Variants in LRRK1 observed in about 807,000 individuals in gnomAD.
LRRK1 encodes leucine-rich repeat serine/threonine-protein kinase 1.
Under a neutral mutation model 209.1 loss-of-function variants are expected in LRRK1, and 113 were observed. The ratio of observed to expected loss-of-function variants is 0.54; its 90% CI spans 0.46 to 0.63. The LOEUF (loss-of-function observed/expected upper bound fraction) is 0.63. Among genes scored for constraint, LRRK1 ranks in the 30% least tolerant of loss-of-function variants. LRRK1 has a pLI of 0.00. For synonymous variants in LRRK1, 1,144 were observed against 1,099.7 expected (o/e 1.04, Z -0.80); for missense variants, 2,284 against 2,632.2 (o/e 0.87, Z 2.89).
chr15:101,013,068 A>G (rs1394183885), intron 10 of LRRK1, among the ~76,000 whole-genome samples: 4 of 151,792 alleles, frequency 2.6e-5, no homozygotes, highest in Non-Finnish European at 5.9e-5. Context: ...GCAAATCAGG[A>G]GAGGCAGAGC....
intron 16 of LRRK1, 66 bp from the exon 17 acceptor site, chr15:101,025,899 G>A: frequency 6.4e-7 from 1 of 1,561,674 alleles, no homozygotes; most frequent in African/African-American, 1.4e-5. Flanking sequence ...GCACAGCTGG[G>A]AGCTCTGTCC....
intron 4 of LRRK1, among the ~76,000 whole-genome samples, chr15:100,984,679 T>C (rs1049671393): frequency 6.6e-6 from 1 of 152,208 alleles, no homozygotes; most frequent in Non-Finnish European, 1.5e-5. Flanking sequence ...TTTTAATGGC[T>C]GAATAATATT....
chr15:100,932,433 A>G (rs561815822), intron 2 of LRRK1, among the ~76,000 whole-genome samples: 1 of 152,336 alleles, frequency 6.6e-6, no homozygotes, highest in African/African-American at 2.4e-5. Flanking sequence ...TATATGCACC[A>G]CATCTGGTGT....
rs201093318 is a variant in LRRK1 at position 100,924,647 on chromosome 15, G to T, written c.15G>T (p.Ser5=). MAGM[S]QRPPSMYWCV... is the part of the protein sequence containing the mutation. ...TGCAAGGGTTGATGGCTGGCATGTC[G>T]CAAAGACCCCCCAGCATGTACTGGT... Residue 5 remains serine (S), a synonymous_variant, in exon 2 of 34, where the codon TCG becomes TCT. Transcript: ENST00000388948. 1.2e-6 allele frequency: 2 copies of T among 1,614,082 alleles called. No individual in the cohort carries two copies. Among genetic ancestry groups the T allele is most frequent in the South Asian group, 1.1e-5 (1 of 91,066 alleles).
chr15:101,007,612 C>G (rs1012863573), intron 6 of LRRK1, among the ~76,000 whole-genome samples: 1 of 152,098 alleles, frequency 6.6e-6, no homozygotes, highest in Non-Finnish European at 1.5e-5. Flanking sequence ...GGCAGAGGAG[C>G]GGGAGCTTTC....
chr15:100,939,186 G>A (rs556893110), intron 2 of LRRK1, among the ~76,000 whole-genome samples: 9 of 152,340 alleles, frequency 5.9e-5, no homozygotes, highest in African/African-American at 1.9e-4. Flanking sequence ...GTTTGGGGCA[G>A]GTTTGTTGAG....
intron 15 of LRRK1, among the ~76,000 whole-genome samples, chr15:101,023,735 T>C (rs74040249): frequency 0.068 from 10,286 of 152,220 alleles, 1,143 homozygotes; most frequent in African/African-American, 0.23. Context: ...TTTGAAAAAG[T>C]AGGCATTGAA....
At chr15:100,935,388 C>T (rs1262438766) in intron 2 of LRRK1, among the ~76,000 whole-genome samples, 2 of 152,308 alleles carry the variant, frequency 1.3e-5, no homozygotes, top group African/African-American at 4.8e-5. Flanking sequence ...TCAGTGAGTG[C>T]AAAGGCTGGG....
At position 101,072,959 on chromosome 15, in the gene LRRK1, G is replaced by A. The variant is rs1233695489; in HGVS notation, c.*4111G>A. 2 of 159,176 alleles carry A rather than the reference G, an allele frequency of 1.3e-5. No homozygotes were observed. The highest frequency in any genetic ancestry group is 2.4e-5 in the African/African-American group (1 of 41,454). 9.9% of individuals were successfully genotyped at this position (159,176 alleles called of 1,614,324 possible). On this transcript the variant is annotated 3_prime_UTR_variant, in exon 34 of 34. Coordinates refer to ENST00000388948, the MANE Select transcript of LRRK1 (RefSeq NM_024652.6). ...TGCCGTAACTGGCGCGGGGGGAGGG[G>A]GGGGGGAACCTCCCTTGGGAGATCA... is the stretch of plus-strand genomic sequence containing the variant.
chr15:101,026,975 C>T (rs543228394), intron 17 of LRRK1, among the ~76,000 whole-genome samples: 1 of 152,106 alleles, frequency 6.6e-6, no homozygotes, highest in South Asian at 2.1e-4. Flanking sequence ...TGAGCCTGTG[C>T]CTGCCCAGCC....
intron 6 of LRRK1, among the ~76,000 whole-genome samples, chr15:101,003,005 T>C (rs1038682185): frequency 1.9e-4 from 29 of 152,378 alleles, no homozygotes; most frequent in Admixed American, 4.6e-4. Flanking sequence ...GTTCTGGGAT[T>C]ACAGGCATGA....
At chr15:100,936,912 C>T (rs1567187967) in intron 2 of LRRK1, among the ~76,000 whole-genome samples, 1 of 152,172 alleles carries the variant, frequency 6.6e-6, no homozygotes. Flanking sequence ...TCATACTATG[C>T]CAGTCTTTTT....
chr15:100,999,383 G>C (rs1237249151), intron 6 of LRRK1, among the ~76,000 whole-genome samples: 1 of 152,196 alleles, frequency 6.6e-6, no homozygotes, highest in African/African-American at 2.4e-5. Context: ...GAGAAGCTCA[G>C]TTTCCCTTTC....
rs537181264 is a variant in LRRK1, at chr15:101,056,793, G to C, written c.4333-63G>C. 1.2e-5 allele frequency: 16 copies of C among 1,379,750 alleles called. No individual in the cohort carries two copies. The South Asian group carries it at 1.4e-4, about 12-fold the overall frequency. 85.5% of individuals were successfully genotyped at this position (1,379,750 alleles called of 1,614,324 possible). A position where few individuals can be genotyped will look rare whatever the true frequency, so the allele number is the denominator to read the frequency against. On this transcript the variant is annotated intron_variant, in intron 27 of 33. Coordinates refer to ENST00000388948, the MANE Select transcript of LRRK1 (RefSeq NM_024652.6). ...GTGTCTCCCTGGTCCCTCCACCTGA[G>C]GGCCACCTTGTGAAGGCCACTGGGC...
At chr15:101,026,948 C>T (rs1240196389) in intron 17 of LRRK1, among the ~76,000 whole-genome samples, 1 of 151,942 alleles carries the variant, frequency 6.6e-6, no homozygotes, top group African/African-American at 2.4e-5. Flanking sequence ...TGGGTCAGAA[C>T]CCAAGTCCAG....
rs532217178 is a variant in LRRK1 at position 101,072,958 on chromosome 15, G to C, written c.*4110G>C. The C allele has an allele frequency of 0.015, 2,377 of 158,292 alleles. 23 individuals are homozygous for C. Among genetic ancestry groups the C allele is most frequent in the Non-Finnish European group, 0.025 (1,782 of 72,484 alleles). 9.8% of individuals were successfully genotyped at this position (158,292 alleles called of 1,614,324 possible). A position where few individuals can be genotyped will look rare whatever the true frequency, so the allele number is the denominator to read the frequency against. On this transcript the variant is annotated 3_prime_UTR_variant, in exon 34 of 34. Transcript: ENST00000388948. Reference sequence around the variant, plus strand: ...GTGCCGTAACTGGCGCGGGGGGAGGGGGGGGGGAACCTCCCTTGGGAGATC... The same window carrying C: ...GTGCCGTAACTGGCGCGGGGGGAGGCGGGGGGGAACCTCCCTTGGGAGATC...
At position 101,024,781 on chromosome 15, in the gene LRRK1, C is replaced by T. The variant is rs761583402; in HGVS notation, c.2068-22C>T. 27 of 1,601,006 alleles carry T rather than the reference C, an allele frequency of 1.7e-5. No homozygotes were observed. The highest frequency in any genetic ancestry group is 1.7e-4 in the Middle Eastern group (1 of 6,028). Reference sequence around the variant, plus strand: ...CTTTGTCTCTAAAATGCCTCCCTGTCGCTGCCTTGTTGCTCAAGTAGGTTG... The same window carrying T: ...CTTTGTCTCTAAAATGCCTCCCTGTTGCTGCCTTGTTGCTCAAGTAGGTTG... On this transcript the variant is annotated intron_variant, in intron 15 of 33. Coordinates refer to ENST00000388948, the MANE Select transcript of LRRK1 (RefSeq NM_024652.6). The surrounding 1 kb of genome is among the most constrained non-coding windows in gnomAD (Gnocchi z 4.6).
At chr15:101,062,445 G>T in intron 30 of LRRK1, 129 bp from the exon 31 acceptor site, 1 of 684,104 alleles carries the variant, frequency 1.5e-6, no homozygotes, top group South Asian at 1.7e-5. Flanking sequence ...ACCAGAACGT[G>T]TCAATCCATG....
rs555775121 is a variant in LRRK1, at chr15:100,969,496, A to G, written c.98-4308A>G. ...CTCAGTTATTTTTTCTTTTTTTTCA[A>G]GTTTTTTTTTCAAGTTCAGGGGTAC... On this transcript the variant is annotated intron_variant, in intron 2 of 33. Transcript: ENST00000388948. 1.1e-4 allele frequency among the ~76,000 whole-genome samples: 16 copies of G among 151,944 alleles called. No individual in the cohort carries two copies. The East Asian group carries it at 3.1e-3, about 29-fold the overall frequency.
Sources: allele counts gnomAD v4.1 joint callset (sites outside exome capture counted in the v4.1 genomes callset), GRCh38; gene constraint gnomAD v4.1.1; non-coding constraint Gnocchi (gnomAD v3.1); transcripts MANE v1.5; gene names NCBI Gene and HGNC (gene_info 2026-07-23, HGNC 2026-07-21).